Variants in ST6GALNAC5 observed in about 807,000 individuals in gnomAD.
ST6GALNAC5 encodes alpha-N-acetylgalactosaminide alpha-2,6-sialyltransferase 5.
A neutral mutation model predicts 33.6 loss-of-function variants in ST6GALNAC5; 27 were observed. That is an observed-to-expected ratio of 0.80 (90% CI 0.59 to 1.11). The LOEUF is 1.11. Among genes scored for constraint, ST6GALNAC5 ranks in the 50% least tolerant of loss-of-function variants. ST6GALNAC5 has a pLI of 0.00. For synonymous variants in ST6GALNAC5, 194 were observed against 171.2 expected, an observed-to-expected ratio of 1.13 and a Z score of -1.04; for missense variants, 428 against 454.0, an observed-to-expected ratio of 0.94 and a Z score of 0.52.
intron 2 of ST6GALNAC5, among the ~76,000 whole-genome samples, chr1:76,994,729 G>A (rs1381786280): frequency 1.3e-5 from 2 of 152,184 alleles, no homozygotes; most frequent in Non-Finnish European, 2.9e-5. Context: ...TTTCTGCAAT[G>A]TCAAGAGAAA....
intron 2 of ST6GALNAC5, among the ~76,000 whole-genome samples, chr1:77,043,870 C>G (rs1388739182): frequency 6.6e-6 from 1 of 152,132 alleles, no homozygotes; most frequent in Non-Finnish European, 1.5e-5. Flanking sequence ...GTTAACATCT[C>G]TATGCTTAAG....
rs1028054722 is a variant in ST6GALNAC5, at chr1:77,067,073, G to A, written c.*3867G>A. On this transcript the variant is annotated 3_prime_UTR_variant, in exon 5 of 5. Transcript: ENST00000477717. ...GGGTCCCCAAGACACAGACTTCAGTGCTAAAACCAGGGAAGTCCTGGGCTC... is the reference window on the plus strand; with the variant it reads ...GGGTCCCCAAGACACAGACTTCAGTACTAAAACCAGGGAAGTCCTGGGCTC... Among the ~76,000 whole-genome samples, 7 of 152,156 alleles carry A rather than the reference G, an allele frequency of 4.6e-5. No individual in the cohort carries two copies. Among genetic ancestry groups the A allele is most frequent in the Non-Finnish European group, 8.8e-5 (6 of 68,030 alleles).
intron 4 of ST6GALNAC5, among the ~76,000 whole-genome samples, chr1:77,061,860 G>A (rs756125604): frequency 9.9e-5 from 15 of 152,180 alleles, no homozygotes; most frequent in Non-Finnish European, 2.2e-4. Context: ...CTGAGACAGA[G>A]ATATAGAGGC....
At position 77,035,246 on chromosome 1, in the gene ST6GALNAC5, A is replaced by G. The variant is rs575412282; in HGVS notation, c.262-8958A>G. Among the ~76,000 whole-genome samples the G allele has an allele frequency of 3.4e-4, 52 of 152,322 alleles. 1 individual carries two copies. The highest frequency in any genetic ancestry group is 1.1e-3 in the African/African-American group (44 of 41,578). The stretch of plus-strand genomic sequence containing the variant: ...GAGATTTCTGCAACAATATTATTCC[A>G]TAAGTCTATGAAGCTCATTTTAATG... On this transcript the variant is annotated intron_variant, in intron 2 of 4. Transcript: ENST00000477717.
intron 2 of ST6GALNAC5, among the ~76,000 whole-genome samples, chr1:76,964,802 C>T (rs1235394536): frequency 6.6e-6 from 1 of 152,098 alleles, no homozygotes; most frequent in Non-Finnish European, 1.5e-5. Flanking sequence ...GTTCCCCACC[C>T]TGTGTCTAAG....
At chr1:77,001,021 C>G (rs1409049809) in intron 2 of ST6GALNAC5, among the ~76,000 whole-genome samples, 2 of 151,800 alleles carry the variant, frequency 1.3e-5, no homozygotes, top group African/African-American at 4.8e-5. Context: ...TTTTCCAATT[C>G]TGTGAAGAAA....
intron 2 of ST6GALNAC5, among the ~76,000 whole-genome samples, chr1:77,025,183 G>A (rs12073344): frequency 0.013 from 1,946 of 152,254 alleles, 44 homozygotes; most frequent in African/African-American, 0.045. Context: ...ATTCTTACGC[G>A]TGGACACAAT....
At chr1:76,873,664 G>A (rs1653561407) in intron 2 of ST6GALNAC5, among the ~76,000 whole-genome samples, 1 of 152,216 alleles carries the variant, frequency 6.6e-6, no homozygotes, top group African/African-American at 2.4e-5. Flanking sequence ...CAGGGAGGAA[G>A]AGGAGGAAAT....
intron 2 of ST6GALNAC5, among the ~76,000 whole-genome samples, chr1:76,975,424 G>A (rs758763914): frequency 2.0e-5 from 3 of 152,120 alleles, no homozygotes; most frequent in Non-Finnish European, 4.4e-5. Flanking sequence ...ACTGCACTTG[G>A]TGAGAGTGAT....
intron 3 of ST6GALNAC5, among the ~76,000 whole-genome samples, chr1:77,046,969 A>G (rs1652034624): frequency 6.6e-6 from 1 of 152,334 alleles, no homozygotes; most frequent in East Asian, 1.9e-4. Context: ...ACAGCAAGGC[A>G]TATCCTGCTC....
chr1:76,886,351 AGAT>A (rs1344378967), intron 2 of ST6GALNAC5, among the ~76,000 whole-genome samples: 1 of 152,072 alleles, frequency 6.6e-6, no homozygotes, highest in African/African-American at 2.4e-5. Flanking sequence ...TTTACTGCTT[AGAT>A]TTTTCAAGTA....
intron 2 of ST6GALNAC5, among the ~76,000 whole-genome samples, chr1:76,956,019 G>C (rs2100343382): frequency 6.6e-6 from 1 of 152,238 alleles, no homozygotes; most frequent in Admixed American, 6.5e-5. Flanking sequence ...GTTATTTTCT[G>C]TTTCCCTTCT....
chr1:77,051,664 C>T (rs6667761), intron 4 of ST6GALNAC5, among the ~76,000 whole-genome samples: 23 of 152,316 alleles, frequency 1.5e-4, no homozygotes, highest in African/African-American at 5.1e-4. Context: ...CTTGGATCCT[C>T]ACCCAGTGCT....
At chr1:77,013,625 C>T (rs1650721067) in intron 2 of ST6GALNAC5, among the ~76,000 whole-genome samples, 1 of 152,184 alleles carries the variant, frequency 6.6e-6, no homozygotes, top group African/African-American at 2.4e-5. Context: ...TAAATCCTAA[C>T]GCTACATTGT....
chr1:77,061,960 G>T (rs1036521962), intron 4 of ST6GALNAC5, among the ~76,000 whole-genome samples: 1 of 152,114 alleles, frequency 6.6e-6, no homozygotes, highest in Non-Finnish European at 1.5e-5. Context: ...TGAGTACATA[G>T]GCCCTCTGAA....
intron 2 of ST6GALNAC5, among the ~76,000 whole-genome samples, chr1:76,981,772 T>G (rs1011810620): frequency 1.3e-5 from 2 of 152,164 alleles, no homozygotes; most frequent in Non-Finnish European, 2.9e-5. Flanking sequence ...GCTGCCCTTC[T>G]GGGACAAAGC....
chr1:76,878,538 G>T (rs1013139959), intron 2 of ST6GALNAC5, among the ~76,000 whole-genome samples: 16 of 152,126 alleles, frequency 1.1e-4, no homozygotes. Context: ...TTTCCCCAGT[G>T]CACAGGTACC....
chr1:77,047,345 A>C (rs1050789037), intron 3 of ST6GALNAC5, among the ~76,000 whole-genome samples: 7 of 152,196 alleles, frequency 4.6e-5, no homozygotes, highest in Admixed American at 3.3e-4. Context: ...TAAAACCTAA[A>C]ACATTTAGGG....
chr1:76,876,604 G>A (rs1301872939), intron 2 of ST6GALNAC5, among the ~76,000 whole-genome samples: 1 of 152,132 alleles, frequency 6.6e-6, no homozygotes, highest in Non-Finnish European at 1.5e-5. Flanking sequence ...TGACCATCCA[G>A]CCAAACCATT....
Sources: gnomAD v4.1 joint callset for allele counts (sites outside exome capture counted in the v4.1 genomes callset) on GRCh38, gnomAD v4.1.1 for gene constraint, MANE v1.5 for transcripts, NCBI Gene and HGNC (gene_info 2026-07-23, HGNC 2026-07-21) for gene names.